Variants in STON1 observed in about 807,000 individuals in gnomAD.
STON1 encodes the protein stonin 1.
In STON1, 79 loss-of-function variants were observed where a neutral mutation model predicts 60.9. The observed-to-expected ratio is 1.30, with a 90% CI of 1.08 to 1.56. STON1 has a LOEUF of 1.56. Ranked by LOEUF, STON1 falls within the 40% of genes most tolerant of loss-of-function variation. The pLI is 0.00. For missense variants in STON1, 1,166 were observed against 858.9 expected, an observed-to-expected ratio of 1.36 and a Z score of -4.47; for synonymous variants, 363 against 306.9, an observed-to-expected ratio of 1.18 and a Z score of -1.91.
intron 1 of STON1, among the ~76,000 whole-genome samples, chr2:48,576,102 G>A (rs1456557860): frequency 6.6e-6 from 1 of 150,902 alleles, no homozygotes; most frequent in African/African-American, 2.4e-5. Flanking sequence ...TCCCCATAAT[G>A]GCTGCACCAC....
chr2:48,571,004 C>A (rs1384807847), intron 1 of STON1, among the ~76,000 whole-genome samples: 2 of 151,834 alleles, frequency 1.3e-5, no homozygotes, highest in African/African-American at 4.8e-5. Flanking sequence ...CTGTGAGGAG[C>A]ACCACCACAC....
intron 1 of STON1, among the ~76,000 whole-genome samples, chr2:48,572,829 G>A (rs1673285931): frequency 6.6e-6 from 1 of 152,204 alleles, no homozygotes; most frequent in South Asian, 2.1e-4. Context: ...CTACCTGTGA[G>A]CCTCCTCGTG....
At chr2:48,590,890 A>G (rs571389819) in intron 2 of STON1, among the ~76,000 whole-genome samples, 18 of 152,300 alleles carry the variant, frequency 1.2e-4, no homozygotes, top group African/African-American at 4.3e-4. Flanking sequence ...AATTTGTTCC[A>G]CTGAAAAAAG....
chr2:48,592,319 A>G (rs974904488), intron 3 of STON1, among the ~76,000 whole-genome samples: 4 of 151,796 alleles, frequency 2.6e-5, no homozygotes, highest in South Asian at 4.2e-4. Context: ...CTCATTGGCT[A>G]TTGTGTCTTG....
chr2:48,584,103 G>T (rs1289692430), intron 2 of STON1, among the ~76,000 whole-genome samples: 1 of 152,098 alleles, frequency 6.6e-6, no homozygotes, highest in African/African-American at 2.4e-5. Context: ...CACATCAAGT[G>T]CTGGGGATAA....
chr2:48,585,406 C>T (rs1674151050), intron 2 of STON1, among the ~76,000 whole-genome samples: 1 of 152,058 alleles, frequency 6.6e-6, no homozygotes, highest in African/African-American at 2.4e-5. Flanking sequence ...CACCACCACA[C>T]CCGGCTAACT....
intron 1 of STON1, among the ~76,000 whole-genome samples, chr2:48,545,434 G>A (rs1047556510): frequency 6.6e-6 from 1 of 152,244 alleles, no homozygotes. Flanking sequence ...CACAGACCCC[G>A]GCCAGACATG....
At chr2:48,539,496 G>C (rs1671571074) in intron 1 of STON1, among the ~76,000 whole-genome samples, 1 of 151,946 alleles carries the variant, frequency 6.6e-6, no homozygotes, top group African/African-American at 2.4e-5. Flanking sequence ...GTGGTGTTAT[G>C]ATATATGTTT....
chr2:48,556,904 T>A (rs2103811709), intron 1 of STON1, among the ~76,000 whole-genome samples: 1 of 8,432 alleles, frequency 1.2e-4, no homozygotes, highest in South Asian at 0.012. Flanking sequence ...GGCTCCTCAC[T>A]TCCCAGTAGG....
intron 1 of STON1, among the ~76,000 whole-genome samples, chr2:48,540,490 T>C (rs184323935): frequency 1.5e-3 from 234 of 152,334 alleles, no homozygotes; most frequent in African/African-American, 5.5e-3. Flanking sequence ...ATGGAGCTTC[T>C]GAATAGCTGA....
intron 1 of STON1, among the ~76,000 whole-genome samples, chr2:48,570,899 AT>A (rs984832583): frequency 8.5e-6 from 1 of 117,872 alleles, no homozygotes; most frequent in Non-Finnish European, 1.6e-5. Flanking sequence ...GTCTTGCACT[AT>A]CCCCCAGGCT....
chr2:48,567,381 G>A (rs1332429819), intron 1 of STON1, among the ~76,000 whole-genome samples: 3 of 152,212 alleles, frequency 2.0e-5, no homozygotes, highest in African/African-American at 4.8e-5. Context: ...CCTTTAGAAC[G>A]AAGCCTTTTA....
intron 1 of STON1, among the ~76,000 whole-genome samples, chr2:48,542,678 G>A (rs574465188): frequency 5.3e-5 from 8 of 152,248 alleles, no homozygotes; most frequent in Admixed American, 5.2e-4. Flanking sequence ...GCCGAGGTGG[G>A]TGGATCACTT....
At chr2:48,590,821 A>G (rs990560688) in intron 2 of STON1, among the ~76,000 whole-genome samples, 3 of 152,218 alleles carry the variant, frequency 2.0e-5, no homozygotes, top group African/African-American at 4.8e-5. Flanking sequence ...TCTACTCTGT[A>G]TAGCTGTTCC....
intron 1 of STON1, among the ~76,000 whole-genome samples, chr2:48,535,602 T>C (rs1244132314): frequency 6.6e-6 from 1 of 152,172 alleles, no homozygotes; most frequent in Non-Finnish European, 1.5e-5. Flanking sequence ...CTCAGCACTT[T>C]GGGAGGCCGA....
At chr2:48,565,330 G>A (rs1672894396) in intron 1 of STON1, among the ~76,000 whole-genome samples, 1 of 152,060 alleles carries the variant, frequency 6.6e-6, no homozygotes, top group African/African-American at 2.4e-5. Context: ...AGGATTACAG[G>A]CGTGAGCCAC....
intron 2 of STON1, among the ~76,000 whole-genome samples, chr2:48,587,135 T>C (rs1029356789): frequency 1.3e-5 from 2 of 152,308 alleles, no homozygotes; most frequent in Admixed American, 1.3e-4. Context: ...AATCGGGCTC[T>C]ATGAAGATGA....
chr2:48,594,649 G>C (rs1470871758), intron 3 of STON1, among the ~76,000 whole-genome samples: 1 of 152,174 alleles, frequency 6.6e-6, no homozygotes, highest in South Asian at 2.1e-4. Flanking sequence ...AGTGACTGGA[G>C]GGCTTTATCA....
At chr2:48,550,201 T>A (rs1423941919) in intron 1 of STON1, among the ~76,000 whole-genome samples, 2 of 152,118 alleles carry the variant, frequency 1.3e-5, no homozygotes, top group Non-Finnish European at 2.9e-5. Flanking sequence ...TAAATATATC[T>A]TAAGCATATT....
Sources: allele counts gnomAD v4.1 joint callset (sites outside exome capture counted in the v4.1 genomes callset), GRCh38; gene constraint gnomAD v4.1.1; transcripts MANE v1.5; gene names NCBI Gene and HGNC (gene_info 2026-07-23, HGNC 2026-07-21).